Variants in CDKAL1 observed in about 807,000 individuals in gnomAD.
CDKAL1 encodes threonylcarbamoyladenosine tRNA methylthiotransferase.
In CDKAL1, 32 loss-of-function variants were observed where a neutral mutation model predicts 68.2. The ratio of observed to expected loss-of-function variants is 0.47; its 90% CI spans 0.35 to 0.63. CDKAL1 has a LOEUF of 0.63. CDKAL1 is among the 30% of genes least tolerant of loss of function. CDKAL1 has a pLI of 0.00. For missense variants in CDKAL1, 606 were observed against 696.7 expected, an observed-to-expected ratio of 0.87 and a Z score of 1.47; for synonymous variants, 234 against 244.3, an observed-to-expected ratio of 0.96 and a Z score of 0.39.
At chr6:20,786,229 TAAATA>T (rs1368782869) in intron 8 of CDKAL1, among the ~76,000 whole-genome samples, 2 of 152,050 alleles carry the variant, frequency 1.3e-5, no homozygotes, top group Non-Finnish European at 2.9e-5. Flanking sequence ...CATCTCTAAA[TAAATA>T]AAATAAAACA....
intron 8 of CDKAL1, among the ~76,000 whole-genome samples, chr6:20,797,505 A>G (rs1776157048): frequency 6.6e-6 from 1 of 152,216 alleles, no homozygotes; most frequent in South Asian, 2.1e-4. Flanking sequence ...TGAGAAATGA[A>G]AACGTAAGTT....
chr6:20,759,330 C>T (rs1774366671), intron 7 of CDKAL1, among the ~76,000 whole-genome samples: 1 of 151,878 alleles, frequency 6.6e-6, no homozygotes, highest in African/African-American at 2.4e-5. Flanking sequence ...TTGCTTGAGC[C>T]CAGGAGTTCG....
chr6:20,735,464 A>G (rs934263732), intron 5 of CDKAL1, among the ~76,000 whole-genome samples: 1 of 152,134 alleles, frequency 6.6e-6, no homozygotes, highest in Non-Finnish European at 1.5e-5. Context: ...ATCAGAACTT[A>G]CTATCATGAG....
chr6:20,877,553 A>T (rs541605752), intron 9 of CDKAL1, among the ~76,000 whole-genome samples: 1 of 151,876 alleles, frequency 6.6e-6, no homozygotes, highest in Non-Finnish European at 1.5e-5. Flanking sequence ...TTTACTAGTG[A>T]CTCACTGTGT....
At chr6:21,176,083 A>C (rs547415542) in intron 13 of CDKAL1, among the ~76,000 whole-genome samples, 10 of 152,330 alleles carry the variant, frequency 6.6e-5, no homozygotes, top group Non-Finnish European at 1.3e-4. Flanking sequence ...GGGTGTTTTG[A>C]GTATTGAACT....
intron 4 of CDKAL1, among the ~76,000 whole-genome samples, chr6:20,611,177 C>T (rs1180083304): frequency 6.6e-6 from 1 of 151,970 alleles, no homozygotes; most frequent in Non-Finnish European, 1.5e-5. Flanking sequence ...AAGGACATTC[C>T]TGGTGTGAAT....
intron 9 of CDKAL1, among the ~76,000 whole-genome samples, chr6:20,938,782 A>AAT (rs1464832198): frequency 1.3e-5 from 2 of 151,894 alleles, no homozygotes; most frequent in Non-Finnish European, 2.9e-5. Context: ...TTTTCTGTTG[A>AAT]ATATATATAG....
At chr6:20,661,534 G>C (rs557023111) in intron 5 of CDKAL1, among the ~76,000 whole-genome samples, 6 of 152,178 alleles carry the variant, frequency 3.9e-5, no homozygotes, top group African/African-American at 1.4e-4. Context: ...ATGTATGCCA[G>C]TGAGCAGTTT....
chr6:20,910,636 G>A (rs553524063), intron 9 of CDKAL1, among the ~76,000 whole-genome samples: 13 of 152,208 alleles, frequency 8.5e-5, no homozygotes, highest in African/African-American at 3.1e-4. Context: ...TTTTGATGGA[G>A]CATGGTGTTG....
intron 8 of CDKAL1, among the ~76,000 whole-genome samples, chr6:20,841,133 C>T (rs1223002704): frequency 2.6e-5 from 4 of 152,082 alleles, no homozygotes. Context: ...CCATGCCTGG[C>T]CATTTTGTAA....
intron 9 of CDKAL1, among the ~76,000 whole-genome samples, chr6:20,945,719 A>G (rs1036543870): frequency 2.0e-5 from 3 of 152,226 alleles, no homozygotes; most frequent in African/African-American, 7.2e-5. Flanking sequence ...AAATAAGAAA[A>G]GAAAAGAAAT....
At chr6:20,713,686 A>C (rs140018193) in intron 5 of CDKAL1, among the ~76,000 whole-genome samples, 223 of 152,288 alleles carry the variant, frequency 1.5e-3, no homozygotes, top group Non-Finnish European at 2.4e-3. Flanking sequence ...TTTGACTTAA[A>C]ATTTTTCTTT....
At chr6:21,107,474 C>T (rs532861455) in intron 12 of CDKAL1, among the ~76,000 whole-genome samples, 66 of 152,054 alleles carry the variant, frequency 4.3e-4, no homozygotes, top group Admixed American at 2.0e-4. Context: ...GTTGCCCAGG[C>T]TGGAGTGCAG....
chr6:21,034,314 G>A (rs966400524), intron 11 of CDKAL1, among the ~76,000 whole-genome samples: 23 of 152,168 alleles, frequency 1.5e-4, no homozygotes, highest in Non-Finnish European at 3.1e-4. Flanking sequence ...TCTCAGTTAA[G>A]GAGCAGTGTT....
chr6:21,168,003 G>A (rs574885267), intron 13 of CDKAL1, among the ~76,000 whole-genome samples: 7 of 152,256 alleles, frequency 4.6e-5, no homozygotes, highest in Middle Eastern at 3.4e-3. Flanking sequence ...AAGCATTATC[G>A]TTTGGCAGTA....
intron 15 of CDKAL1, among the ~76,000 whole-genome samples, chr6:21,208,871 A>C (rs1779040034): frequency 6.6e-6 from 1 of 152,138 alleles, no homozygotes; most frequent in African/African-American, 2.4e-5. Flanking sequence ...CACTGTGTTT[A>C]GTGTGTTTAC....
chr6:21,146,610 G>C (rs1196298532), intron 13 of CDKAL1, among the ~76,000 whole-genome samples: 1 of 152,036 alleles, frequency 6.6e-6, no homozygotes, highest in Non-Finnish European at 1.5e-5. Flanking sequence ...CAGCACTTTC[G>C]GAGGCCGAGA....
chr6:21,110,425 C>G (rs975985085), intron 13 of CDKAL1, among the ~76,000 whole-genome samples: 6 of 152,106 alleles, frequency 3.9e-5, no homozygotes, highest in Admixed American at 1.3e-4. Context: ...CTATTTTTCC[C>G]CGCATGAATT....
intron 9 of CDKAL1, among the ~76,000 whole-genome samples, chr6:20,870,942 A>T (rs1035274615): frequency 8.4e-4 from 128 of 152,312 alleles, no homozygotes; most frequent in Middle Eastern, 3.4e-3. Flanking sequence ...CCATAAACTC[A>T]TATTTAAATT....
Sources: allele counts gnomAD v4.1 joint callset (sites outside exome capture counted in the v4.1 genomes callset), GRCh38; gene constraint gnomAD v4.1.1; transcripts MANE v1.5; gene names NCBI Gene and HGNC (gene_info 2026-07-23, HGNC 2026-07-21).